FAF1: variants seen among roughly 807,000 people sequenced by gnomAD.
FAF1 encodes the protein Fas associated factor 1.
A neutral mutation model predicts 92.5 loss-of-function variants in FAF1; 25 were observed. The ratio of observed to expected loss-of-function variants is 0.27; its 90% CI spans 0.20 to 0.38. FAF1 has a LOEUF of 0.38. FAF1 is among the 10% of genes least tolerant of loss of function. FAF1 has a pLI of 1.00. For missense variants in FAF1, 636 were observed against 793.3 expected, an observed-to-expected ratio of 0.80 and a Z score of 2.38; for synonymous variants, 234 against 273.2, an observed-to-expected ratio of 0.86 and a Z score of 1.42.
Position 50,729,608 on chromosome 1 carries a change from T to G in FAF1, c.551+9255A>C, listed in dbSNP as rs930206735. On this transcript the variant is annotated intron_variant, in intron 6 of 18. Coordinates refer to ENST00000396153, the MANE Select transcript of FAF1 (RefSeq NM_007051.3). ...TTTTAGTAGAGACAGGGTTTCACCA[T>G]GTTGGCTAGGCTGGTCTCAAACTCC... Among the ~76,000 whole-genome samples, 4 of 150,556 alleles carry G rather than the reference T, an allele frequency of 2.7e-5. No individual in the cohort carries two copies. The East Asian group carries it at 8.3e-4, about 31-fold the overall frequency.
At chr1:50,596,267 C>T in intron 8 of FAF1, 51 bp from the exon 9 acceptor site, 1 of 1,345,364 alleles carries the variant, frequency 7.4e-7, no homozygotes, top group Non-Finnish European at 1.1e-6. Flanking sequence ...CCATGTTTCA[C>T]AAAAGGATTT....
At chr1:50,660,058 G>T (rs182263036) in intron 7 of FAF1, among the ~76,000 whole-genome samples, 144 of 152,106 alleles carry the variant, frequency 9.5e-4, no homozygotes, top group South Asian at 7.1e-3. Context: ...ACAGCACTGG[G>T]GGAAAGATCA....
intron 4 of FAF1, among the ~76,000 whole-genome samples, chr1:50,747,435 A>C (rs1205228683): frequency 2.0e-5 from 3 of 152,232 alleles, no homozygotes; most frequent in African/African-American, 2.4e-5. Flanking sequence ...CACAAGGCCT[A>C]TAGCATCATT....
chr1:50,853,196 T>C (rs552369136), intron 2 of FAF1, among the ~76,000 whole-genome samples: 1 of 152,298 alleles, frequency 6.6e-6, no homozygotes, highest in South Asian at 2.1e-4. Context: ...AGCCACATCC[T>C]GAGCAGAGTA....
chr1:50,922,587 G>A (rs1189547215), intron 1 of FAF1, among the ~76,000 whole-genome samples: 1 of 151,674 alleles, frequency 6.6e-6, no homozygotes, highest in Non-Finnish European at 1.5e-5. Context: ...GGGAAGCCGA[G>A]GAGGGTGGAT....
chr1:50,856,619 G>A (rs1251820028), intron 2 of FAF1, among the ~76,000 whole-genome samples: 1 of 151,672 alleles, frequency 6.6e-6, no homozygotes, highest in Non-Finnish European at 1.5e-5. Context: ...AACCAATCTG[G>A]AAGTCCATTT....
chr1:50,555,859 C>T (rs529525022), intron 13 of FAF1, among the ~76,000 whole-genome samples: 74 of 152,084 alleles, frequency 4.9e-4, no homozygotes, highest in African/African-American at 1.8e-3. Context: ...GAATCAACTT[C>T]AAGTACCCAT....
intron 2 of FAF1, among the ~76,000 whole-genome samples, chr1:50,844,174 C>T (rs1177464215): frequency 6.6e-6 from 1 of 152,112 alleles, no homozygotes; most frequent in African/African-American, 2.4e-5. Context: ...ATCTGTATGT[C>T]ATCTTTTGAG....
chr1:50,498,196 T>G (rs1646924582), intron 15 of FAF1, among the ~76,000 whole-genome samples: 1 of 152,096 alleles, frequency 6.6e-6, no homozygotes. Flanking sequence ...TTAGGAAAGC[T>G]GGATATCCAC....
chr1:50,915,595 G>A (rs1213674372), intron 1 of FAF1, among the ~76,000 whole-genome samples: 1 of 151,962 alleles, frequency 6.6e-6, no homozygotes, highest in Non-Finnish European at 1.5e-5. Context: ...ACCTCAGGAG[G>A]CAGAGGTAAG....
chr1:50,663,401 A>T lies in FAF1; in HGVS notation c.658-7873T>A, dbSNP rs555926995. Among the ~76,000 whole-genome samples the T allele has an allele frequency of 9.4e-4, 141 of 150,350 alleles. 1 individual carries two copies. The highest frequency in any genetic ancestry group is 2.5e-3 in the South Asian group (12 of 4,818). On this transcript the variant is annotated intron_variant, in intron 7 of 18. Transcript: ENST00000396153. ...ATTTTAAGAAGCATTGCTTTTTTTT[A>T]AATTTTAATTTCAATTTTTTTTTTT...
chr1:50,908,042 A>G lies in FAF1; in HGVS notation c.46-50045T>C, dbSNP rs1007141226. Among the ~76,000 whole-genome samples, 48 of 152,156 alleles carry G rather than the reference A, an allele frequency of 3.2e-4. 1 individual carries two copies. The highest frequency in any genetic ancestry group is 3.1e-3 in the Admixed American group (47 of 15,276). On this transcript the variant is annotated intron_variant, in intron 1 of 18. Transcript: ENST00000396153. The stretch of plus-strand genomic sequence containing the variant: ...AAATTTCCCTCTACACACAGCTTTA[A>G]AAGTGTCCCAGAGGTTCTGGTATGT...
Position 50,545,974 on chromosome 1 carries a change from C to T in FAF1, c.1269-6246G>A, listed in dbSNP as rs191776259. Among the ~76,000 whole-genome samples, 838 of 152,284 alleles carry T rather than the reference C, an allele frequency of 5.5e-3. 3 individuals carry two copies. The highest frequency in any genetic ancestry group is 0.024 in the Middle Eastern group (7 of 294). On this transcript the variant is annotated intron_variant, in intron 13 of 18. Transcript: ENST00000396153. ...CTTAAGCCCAGGAGTTGAAGACCAACCTGGATAACAAAGTGAGACCTGCCT... is the reference window on the plus strand; with the variant it reads ...CTTAAGCCCAGGAGTTGAAGACCAATCTGGATAACAAAGTGAGACCTGCCT...
chr1:50,646,934 C>T (rs1225831085), intron 8 of FAF1, among the ~76,000 whole-genome samples: 2 of 152,220 alleles, frequency 1.3e-5, no homozygotes, highest in Non-Finnish European at 2.9e-5. Context: ...CAACCTCCGC[C>T]TCCTAGGTTC....
At chr1:50,720,291 T>TA (rs1007060314) in intron 6 of FAF1, among the ~76,000 whole-genome samples, 1 of 152,150 alleles carries the variant, frequency 6.6e-6, no homozygotes, top group Non-Finnish European at 1.5e-5. Flanking sequence ...GGCCCCTTAT[T>TA]AAAAAACATT....
chr1:50,819,032 T>C (rs1345964945), intron 2 of FAF1, among the ~76,000 whole-genome samples: 3 of 152,218 alleles, frequency 2.0e-5, no homozygotes, highest in Non-Finnish European at 4.4e-5. Flanking sequence ...CAAAATTTTC[T>C]ACTTGTGGCA....
At chr1:50,957,474 C>G (rs1004779667) in intron 1 of FAF1, among the ~76,000 whole-genome samples, 1 of 151,426 alleles carries the variant, frequency 6.6e-6, no homozygotes, top group Non-Finnish European at 1.5e-5. Context: ...GCCTCAGCCT[C>G]CCGAGTAGCT....
chr1:50,856,941 C>T (rs1644394893), intron 2 of FAF1, among the ~76,000 whole-genome samples: 1 of 151,590 alleles, frequency 6.6e-6, no homozygotes, highest in Admixed American at 6.6e-5. Context: ...ATAAAACAAT[C>T]TCAGTTGTCT....
At chr1:50,444,571 G>A (rs955939776) in intron 18 of FAF1, among the ~76,000 whole-genome samples, 1 of 152,204 alleles carries the variant, frequency 6.6e-6, no homozygotes, top group Non-Finnish European at 1.5e-5. Flanking sequence ...AGCTGCCGAC[G>A]TGGCTACTAC....
Sources: gnomAD v4.1 joint callset for allele counts (sites outside exome capture counted in the v4.1 genomes callset) on GRCh38, gnomAD v4.1.1 for gene constraint, MANE v1.5 for transcripts, NCBI Gene and HGNC (gene_info 2026-07-23, HGNC 2026-07-21) for gene names.